DGKG: variants seen among roughly 807,000 people sequenced by gnomAD.
The protein encoded by DGKG is diacylglycerol kinase gamma, also known as DAG kinase gamma.
In DGKG, 78 loss-of-function variants were observed where a neutral mutation model predicts 105.3. That is an observed-to-expected ratio of 0.74 (90% CI 0.62 to 0.89). The LOEUF (loss-of-function observed/expected upper bound fraction) is 0.89, where lower values mean the gene tolerates loss of function less well. Ranked by LOEUF, DGKG falls within the 40% of genes least tolerant of loss-of-function variation. The probability of loss-of-function intolerance (pLI) is 0.00; values close to 1 mark genes in which losing one functional copy is unlikely to be tolerated. For synonymous variants in DGKG, 346 were observed against 367.1 expected, an observed-to-expected ratio of 0.94 and a Z score of 0.66; for missense variants, 958 against 1,020.1, an observed-to-expected ratio of 0.94 and a Z score of 0.83.
chr3:186,311,321 A>G (rs1372779808), intron 2 of DGKG, among the ~76,000 whole-genome samples: 1 of 152,226 alleles, frequency 6.6e-6, no homozygotes, highest in Non-Finnish European at 1.5e-5. Flanking sequence ...GGGAAAAAAA[A>G]GCTTATAACT....
rs1235041625 is a variant in DGKG, at chr3:186,203,346, C to T, written c.1917+8449G>A. 1.3e-5 allele frequency among the ~76,000 whole-genome samples: 2 copies of T among 152,190 alleles called. No homozygotes were observed. Among genetic ancestry groups the T allele is most frequent in the Non-Finnish European group, 2.9e-5 (2 of 68,032 alleles). On this transcript the variant is annotated intron_variant, in intron 21 of 24. Coordinates refer to ENST00000265022, the MANE Select transcript of DGKG (RefSeq NM_001346.3). The surrounding 1 kb of genome is among the most constrained non-coding windows in gnomAD (Gnocchi z 4.9). The stretch of plus-strand genomic sequence containing the variant: ...GGCTAACATTACCCTAAGATTGAAA[C>T]GAGGCCAATGTTGTAGCAGTGCTGA...
chr3:186,215,018 G>T (rs1032272392), intron 20 of DGKG, among the ~76,000 whole-genome samples: 1 of 152,232 alleles, frequency 6.6e-6, no homozygotes, highest in Non-Finnish European at 1.5e-5. Context: ...TGCTGGAGGG[G>T]ACACAGAACT....
intron 20 of DGKG, among the ~76,000 whole-genome samples, chr3:186,238,662 T>C (rs1464885667): frequency 6.6e-6 from 1 of 152,194 alleles, no homozygotes; most frequent in Non-Finnish European, 1.5e-5. Flanking sequence ...TAGCAATTAA[T>C]GATTAGCCTA....
intron 20 of DGKG, among the ~76,000 whole-genome samples, chr3:186,216,859 T>C (rs1237699114): frequency 6.6e-6 from 1 of 152,216 alleles, no homozygotes; most frequent in Admixed American, 6.5e-5. Flanking sequence ...TTTCATCTTC[T>C]ATTGTACAAG....
At chr3:186,294,041 T>C (rs544017518) in intron 5 of DGKG, among the ~76,000 whole-genome samples, 50 of 152,300 alleles carry the variant, frequency 3.3e-4, no homozygotes, top group African/African-American at 1.1e-3. Flanking sequence ...AGGGGGCTGA[T>C]TTTTCCCATA....
intron 10 of DGKG, among the ~76,000 whole-genome samples, chr3:186,274,709 A>C (rs1722495831): frequency 6.6e-6 from 1 of 152,000 alleles, no homozygotes; most frequent in Non-Finnish European, 1.5e-5. Context: ...CCTACAAAGG[A>C]CGTGAACTCA....
At chr3:186,276,265 G>A (rs1722584817) in intron 9 of DGKG, among the ~76,000 whole-genome samples, 1 of 152,142 alleles carries the variant, frequency 6.6e-6, no homozygotes, top group Non-Finnish European at 1.5e-5. Context: ...ACTATCTAAT[G>A]GCATGGGAAT....
rs1174792249 is a variant in DGKG at position 186,226,162 on chromosome 3, C to T, written c.1827-14277G>A. Among the ~76,000 whole-genome samples, 1 of 152,174 alleles carries T rather than the reference C, an allele frequency of 6.6e-6. No individual in the cohort carries two copies. Among genetic ancestry groups the T allele is most frequent in the African/African-American group, 2.4e-5 (1 of 41,430 alleles). ...CACATTTACCTTTTCCCTGAACTCA[C>T]CACTTTGTACAAACCATGATTATTG... On this transcript the variant is annotated intron_variant, in intron 20 of 24. Coordinates refer to ENST00000265022, the MANE Select transcript of DGKG (RefSeq NM_001346.3). This position sits in a 1 kb window ranked among gnomAD's most constrained non-coding sequence, Gnocchi z 4.2.
chr3:186,290,003 A>G (rs539712719), intron 5 of DGKG, among the ~76,000 whole-genome samples: 1 of 152,204 alleles, frequency 6.6e-6, no homozygotes, highest in African/African-American at 2.4e-5. Flanking sequence ...ATCCAGATGG[A>G]CAATAGGAGA....
chr3:186,181,910 A>C (rs1449532144), intron 22 of DGKG, among the ~76,000 whole-genome samples: 1 of 152,258 alleles, frequency 6.6e-6, no homozygotes, highest in Non-Finnish European at 1.5e-5. Flanking sequence ...AGGAGCAGGC[A>C]TGAGGATCAG....
At chr3:186,156,143 G>A (rs968598564) in intron 24 of DGKG, among the ~76,000 whole-genome samples, 7 of 152,082 alleles carry the variant, frequency 4.6e-5, no homozygotes, top group African/African-American at 1.7e-4. Flanking sequence ...ATTAAAATTG[G>A]TTAACAGTCA....
At chr3:186,291,148 G>A (rs57570110) in intron 5 of DGKG, among the ~76,000 whole-genome samples, 7,537 of 152,180 alleles carry the variant, frequency 0.05, 620 homozygotes, top group African/African-American at 0.17. Context: ...TGAAAATCCA[G>A]TACTCAACAT....
At position 186,231,863 on chromosome 3, in the gene DGKG, G is replaced by A. The variant is rs564837902; in HGVS notation, c.1826+10641C>T. ...TTGAACCCTGAAGGCGGCCATGTCAGTGAGCCGAGATAGAGCCACTGACTC... is the reference window on the plus strand; with the variant it reads ...TTGAACCCTGAAGGCGGCCATGTCAATGAGCCGAGATAGAGCCACTGACTC... On this transcript the variant is annotated intron_variant, in intron 20 of 24. Coordinates refer to ENST00000265022, the MANE Select transcript of DGKG (RefSeq NM_001346.3). The surrounding 1 kb of genome is among the most constrained non-coding windows in gnomAD (Gnocchi z 4.5). Among the ~76,000 whole-genome samples, 37 of 152,298 alleles carry A rather than the reference G, an allele frequency of 2.4e-4. No individual in the cohort carries two copies. The South Asian group carries it at 7.3e-3, about 30-fold the overall frequency.
rs1721306794 is a variant in DGKG at position 186,253,182 on chromosome 3, T to C, written c.1511A>G (p.Asp504Gly). The change falls in exon 18 of 25, where the codon GAT becomes GGT. Residue 504 changes from aspartate (D) to glycine (G), a missense_variant and splice_region_variant. Around this residue, in one of 2 missense-constraint regions of DGKG, gnomAD observed 315 missense variants for 400.6 expected, o/e 0.79. Transcript: ENST00000265022. ...TGGATGCTTTGCAAAGTTGGCCTTA[T>C]CTGCAAGACACACAGAGGAACAGAG... is the stretch of plus-strand genomic sequence containing the variant. ...GTVGWILDCI[D>G]KANFAKHPPV... The C allele has an allele frequency of 6.2e-7, 1 of 1,613,412 alleles. No individual in the cohort carries two copies. The highest frequency in any genetic ancestry group is 1.3e-5 in the African/African-American group (1 of 74,904).
chr3:186,334,621 C>A (rs1194237568), intron 1 of DGKG, among the ~76,000 whole-genome samples: 1 of 152,210 alleles, frequency 6.6e-6, no homozygotes, highest in Non-Finnish European at 1.5e-5. Context: ...TATTCAGTAA[C>A]CTTTACAATG....
intron 24 of DGKG, among the ~76,000 whole-genome samples, chr3:186,152,126 A>G (rs1049898214): frequency 4.6e-5 from 7 of 152,174 alleles, no homozygotes; most frequent in Non-Finnish European, 8.8e-5. Context: ...GAAGGGAAGG[A>G]TAGAACCAGA....
intron 17 of DGKG, among the ~76,000 whole-genome samples, chr3:186,256,050 T>A (rs143304594): frequency 1.3e-5 from 2 of 152,132 alleles, no homozygotes; most frequent in Admixed American, 6.5e-5. Context: ...TTCTCCCTCA[T>A]GGTGGAGAGG....
In DGKG at chr3:186,334,629, A is replaced by G. The variant is rs112784907; in HGVS notation, c.-248-13922T>C. Among the ~76,000 whole-genome samples the G allele has an allele frequency of 5.4e-4, 83 of 152,400 alleles. 1 individual carries two copies. Among genetic ancestry groups the G allele is most frequent in the African/African-American group, 1.9e-3 (79 of 41,602 alleles). On this transcript the variant is annotated intron_variant, in intron 1 of 24. Coordinates refer to ENST00000265022, the MANE Select transcript of DGKG (RefSeq NM_001346.3). ...TCATTAATATTCAGTAACCTTTACA[A>G]TGTGACAGATGGTCCTAAACAACTT...
At chr3:186,275,847 A>T (rs1327032316) in intron 9 of DGKG, among the ~76,000 whole-genome samples, 183 bp from the exon 10 acceptor site, 1 of 152,264 alleles carries the variant, frequency 6.6e-6, no homozygotes, top group Non-Finnish European at 1.5e-5. Flanking sequence ...ATTAGCAAAT[A>T]TTAAAAGCAA....
Sources: allele counts gnomAD v4.1 joint callset (sites outside exome capture counted in the v4.1 genomes callset), GRCh38; gene constraint gnomAD v4.1.1; regional missense constraint gnomAD v4.1.1; non-coding constraint Gnocchi (gnomAD v3.1); transcripts MANE v1.5; gene names NCBI Gene and HGNC (gene_info 2026-07-23, HGNC 2026-07-21).